Variants in SDK1 observed in about 807,000 individuals in gnomAD.
SDK1 encodes sidekick cell adhesion molecule 1, also known as protein sidekick-1.
Under a neutral mutation model 245.5 loss-of-function variants are expected in SDK1, and 157 were observed. The ratio of observed to expected loss-of-function variants is 0.64; its 90% CI spans 0.56 to 0.73. The LOEUF (loss-of-function observed/expected upper bound fraction) is 0.73. SDK1 is among the 30% of genes least tolerant of loss of function. The pLI is 0.00. For synonymous variants in SDK1, 1,647 were observed against 1,278.5 expected, an observed-to-expected ratio of 1.29 and a Z score of -6.15; for missense variants, 3,583 against 3,002.3, an observed-to-expected ratio of 1.19 and a Z score of -4.52.
intron 5 of SDK1, among the ~76,000 whole-genome samples, chr7:3,913,076 G>A (rs1262153287): frequency 6.6e-6 from 1 of 152,172 alleles, no homozygotes; most frequent in African/African-American, 2.4e-5. Flanking sequence ...AGGGAAAACA[G>A]TTAAAATGAA....
At chr7:3,546,220 G>A (rs1012638132) in intron 1 of SDK1, among the ~76,000 whole-genome samples, 4 of 152,086 alleles carry the variant, frequency 2.6e-5, no homozygotes, top group Non-Finnish European at 5.9e-5. Flanking sequence ...ATGACACCGC[G>A]GGTCTGGGAA....
intron 1 of SDK1, among the ~76,000 whole-genome samples, chr7:3,582,200 C>T (rs1440140716): frequency 1.3e-5 from 2 of 151,758 alleles, no homozygotes; most frequent in African/African-American, 4.8e-5. Context: ...GTAGGTCTGT[C>T]TCAGGTAGGT....
chr7:4,225,097 A>G (rs1326290233), intron 40 of SDK1, among the ~76,000 whole-genome samples: 3 of 149,660 alleles, frequency 2.0e-5, no homozygotes, highest in Non-Finnish European at 4.4e-5. Flanking sequence ...CTGACTACAG[A>G]TTAAGGATCC....
chr7:3,743,972 T>C (rs1009414133), intron 4 of SDK1, among the ~76,000 whole-genome samples: 69 of 152,322 alleles, frequency 4.5e-4, no homozygotes, highest in African/African-American at 1.4e-3. Context: ...GTGTAATTAA[T>C]AAGACACTAT....
chr7:3,691,032 T>G (rs866665556), intron 4 of SDK1, among the ~76,000 whole-genome samples: 2 of 152,152 alleles, frequency 1.3e-5, no homozygotes, highest in East Asian at 3.9e-4. Context: ...CAAAGAAAAT[T>G]ATTTGGAAGA....
chr7:3,599,228 T>C (rs996497784), intron 1 of SDK1, among the ~76,000 whole-genome samples: 1 of 152,134 alleles, frequency 6.6e-6, no homozygotes, highest in African/African-American at 2.4e-5. Context: ...GTTAATGATA[T>C]TGAACATCTT....
intron 1 of SDK1, among the ~76,000 whole-genome samples, chr7:3,561,140 A>G (rs1779738439): frequency 6.6e-6 from 1 of 152,048 alleles, no homozygotes; most frequent in African/African-American, 2.4e-5. Context: ...GGAGAAAGGC[A>G]CCTGTTACCT....
chr7:3,867,713 G>T (rs529510611), intron 5 of SDK1, among the ~76,000 whole-genome samples: 1 of 152,194 alleles, frequency 6.6e-6, no homozygotes, highest in African/African-American at 2.4e-5. Context: ...GATGAGATTT[G>T]GGTGGGGACA....
chr7:4,208,057 G>C, intron 36 of SDK1, 42 bp from the exon 37 acceptor site: 2 of 1,507,532 alleles, frequency 1.3e-6, no homozygotes, highest in South Asian at 1.2e-5. Flanking sequence ...TTACTGGAAG[G>C]CTTCCCCAGG....
chr7:3,826,663 G>T (rs1180688654), intron 5 of SDK1, among the ~76,000 whole-genome samples: 1 of 152,182 alleles, frequency 6.6e-6, no homozygotes, highest in East Asian at 1.9e-4. Flanking sequence ...CCATGCCTAT[G>T]AGGGCATCCT....
intron 38 of SDK1, among the ~76,000 whole-genome samples, chr7:4,213,056 G>A (rs1404332111): frequency 1.3e-5 from 2 of 152,138 alleles, no homozygotes; most frequent in African/African-American, 4.8e-5. Context: ...CGAGGTGGGC[G>A]GATCACAAGG....
At chr7:3,529,848 C>G (rs552037510) in intron 1 of SDK1, among the ~76,000 whole-genome samples, 1 of 152,208 alleles carries the variant, frequency 6.6e-6, no homozygotes, top group South Asian at 2.1e-4. Context: ...AGATGGGCAC[C>G]GCATCCTTGC....
chr7:3,598,417 T>C lies in SDK1; in HGVS notation c.299-20663T>C, dbSNP rs561610017. Among the ~76,000 whole-genome samples, 31 of 152,342 alleles carry C rather than the reference T, an allele frequency of 2.0e-4. 1 individual carries two copies. The highest frequency in any genetic ancestry group is 7.0e-4 in the African/African-American group (29 of 41,580). On this transcript the variant is annotated intron_variant, in intron 1 of 44. Transcript: ENST00000404826. ...TTATTTTTATTTTATTTTGAGATCA[T>C]TGTAGACTCAAATGCAATTGTTAGA...
chr7:3,897,452 C>G (rs964651004), intron 5 of SDK1, among the ~76,000 whole-genome samples: 2 of 152,208 alleles, frequency 1.3e-5, no homozygotes, highest in Non-Finnish European at 2.9e-5. Flanking sequence ...TGGAGACACA[C>G]AGTGTCTGCC....
intron 9 of SDK1, 54 bp from the exon 10 acceptor site, chr7:3,967,264 A>C: frequency 7.3e-7 from 1 of 1,377,150 alleles, no homozygotes; most frequent in Non-Finnish European, 1.0e-6. Context: ...TGCCAGGCTG[A>C]TGTGAGCCTC....
intron 5 of SDK1, among the ~76,000 whole-genome samples, chr7:3,915,290 G>C (rs1336716201): frequency 6.6e-6 from 1 of 152,162 alleles, no homozygotes; most frequent in Non-Finnish European, 1.5e-5. Context: ...TCTTTGGTAG[G>C]AGACCCCTGA....
intron 2 of SDK1, among the ~76,000 whole-genome samples, chr7:3,625,829 T>G (rs1437176815): frequency 6.6e-6 from 1 of 151,994 alleles, no homozygotes; most frequent in Non-Finnish European, 1.5e-5. Flanking sequence ...TGAGGCAAAG[T>G]GATGCCAGCT....
chr7:3,655,475 A>ATATATATATATATATATG (rs1783143551), intron 4 of SDK1, among the ~76,000 whole-genome samples: 2 of 87,796 alleles, frequency 2.3e-5, no homozygotes, highest in African/African-American at 8.7e-5. Context: ...ATATATATAT[A>ATATATATATATATATATG]TATATATATA....
intron 1 of SDK1, among the ~76,000 whole-genome samples, chr7:3,582,442 C>G (rs1156634500): frequency 6.8e-6 from 1 of 146,524 alleles, no homozygotes; most frequent in Non-Finnish European, 1.5e-5. Context: ...AGGTCTGTCT[C>G]AGGTAGGTCT....
Sources: gnomAD v4.1 joint callset for allele counts (sites outside exome capture counted in the v4.1 genomes callset) on GRCh38, gnomAD v4.1.1 for gene constraint, MANE v1.5 for transcripts, NCBI Gene and HGNC (gene_info 2026-07-23, HGNC 2026-07-21) for gene names.